CRISP2: variants seen among roughly 807,000 people sequenced by gnomAD.
The protein encoded by CRISP2 is cysteine-rich secretory protein 2.
Under a neutral mutation model 31.7 loss-of-function variants are expected in CRISP2, and 29 were observed. That is an observed-to-expected ratio of 0.92 (90% CI 0.68 to 1.25). The LOEUF (loss-of-function observed/expected upper bound fraction) is 1.25. Ranked by LOEUF, CRISP2 falls within the 50% of genes most tolerant of loss-of-function variation. CRISP2 has a pLI of 0.00. For missense variants in CRISP2, 318 were observed against 286.5 expected (o/e 1.11, Z -0.79); for synonymous variants, 111 against 101.4 (o/e 1.09, Z -0.57).
downstream of CRISP2, among the ~76,000 whole-genome samples, chr6:49,688,840 C>T (rs867962235): frequency 6.6e-6 from 1 of 151,998 alleles, no homozygotes; most frequent in Non-Finnish European, 1.5e-5. Flanking sequence ...TAGCTGTACA[C>T]CCTAGATTAT....
intron 4 of CRISP2, among the ~76,000 whole-genome samples, chr6:49,706,629 A>G (rs1317245544): frequency 6.6e-6 from 1 of 152,182 alleles, no homozygotes; most frequent in East Asian, 1.9e-4. Flanking sequence ...TTTACACAAG[A>G]ATATGATGTT....
chr6:49,698,614 G>C (rs1026796593), intron 6 of CRISP2, 107 bp from the exon 7 acceptor site: 9 of 1,137,488 alleles, frequency 7.9e-6, no homozygotes, highest in Non-Finnish European at 1.1e-5. Context: ...TCCAGCAGAT[G>C]CTAACTGTTG....
intron 4 of CRISP2, 86 bp from the exon 5 acceptor site, chr6:49,700,870 G>T: frequency 1.2e-6 from 1 of 865,086 alleles, no homozygotes; most frequent in Non-Finnish European, 1.8e-6. Flanking sequence ...GAGAACAAAG[G>T]TCACTTTAAA....
downstream of CRISP2, among the ~76,000 whole-genome samples, chr6:49,691,375 TC>T (rs552111490): frequency 2.1e-3 from 318 of 152,176 alleles, 1 homozygote; most frequent in African/African-American, 7.3e-3. Flanking sequence ...TGTCAAAAAA[TC>T]AATTTCCAAA....
chr6:49,713,586 C>A (rs952017938), upstream of CRISP2: 1 of 152,234 alleles, frequency 6.6e-6, no homozygotes, highest in African/African-American at 2.4e-5. Context: ...CCAGGCGCCA[C>A]GTGTGGGCGA....
intron 4 of CRISP2, 36 bp downstream of exon 4, chr6:49,709,095 G>A (rs368702279): frequency 4.9e-5 from 78 of 1,584,566 alleles, no homozygotes; most frequent in Non-Finnish European, 6.4e-5. Flanking sequence ...CAAAGTTGCT[G>A]GATAGCTCTG....
the CRISP2 span, among the ~76,000 whole-genome samples, chr6:49,679,613 G>A: frequency 2.0e-4 from 31 of 152,048 alleles, no homozygotes; most frequent in South Asian, 2.1e-3. Flanking sequence ...CCATGCCTTA[G>A]GTCAGTCAAT....
chr6:49,702,108 CTTATATATGTATACA>C (rs1455199757), intron 4 of CRISP2, among the ~76,000 whole-genome samples: 3 of 41,810 alleles, frequency 7.2e-5, no homozygotes, highest in Non-Finnish European at 1.2e-4. Flanking sequence ...TATATGTATA[CTTATATATGTATACA>C]TTATATATAT....
chr6:49,713,148 A>G (rs1768335500), intron 1 of CRISP2, among the ~76,000 whole-genome samples: 1 of 152,170 alleles, frequency 6.6e-6, no homozygotes, highest in African/African-American at 2.4e-5. Flanking sequence ...TCTTAATTTG[A>G]CTTCGTAAAA....
the CRISP2 span, among the ~76,000 whole-genome samples, chr6:49,677,746 A>T: frequency 1.3e-5 from 2 of 152,186 alleles, no homozygotes; most frequent in African/African-American, 2.4e-5. Flanking sequence ...CTAGCTAAAC[A>T]CACAGCAAGC....
chr6:49,696,024 T>C (rs777386181), intron 8 of CRISP2, 100 bp from the exon 9 acceptor site: 5 of 657,414 alleles, frequency 7.6e-6, no homozygotes, highest in Non-Finnish European at 1.2e-5. Flanking sequence ...TTCAGGGTTT[T>C]TAGTATGTTA....
At chr6:49,707,536 G>A (rs1234029960) in intron 4 of CRISP2, among the ~76,000 whole-genome samples, 3 of 152,188 alleles carry the variant, frequency 2.0e-5, no homozygotes, top group South Asian at 2.1e-4. Flanking sequence ...GATGTTACAG[G>A]GGATTGGAAA....
chr6:49,682,682 G>T, the CRISP2 span, among the ~76,000 whole-genome samples: 12 of 113,606 alleles, frequency 1.1e-4, no homozygotes, highest in Admixed American at 6.8e-4. Context: ...CTCTCTTTCT[G>T]TCTCTTTCTC....
At chr6:49,712,231 C>T (rs1768139722) in intron 2 of CRISP2, among the ~76,000 whole-genome samples, 1 of 152,114 alleles carries the variant, frequency 6.6e-6, no homozygotes, top group African/African-American at 2.4e-5. Flanking sequence ...TTGTATAGCT[C>T]AATCACCCAG....
intron 8 of CRISP2, among the ~76,000 whole-genome samples, chr6:49,696,660 G>T (rs1234344881): frequency 4.6e-5 from 7 of 151,518 alleles, no homozygotes; most frequent in African/African-American, 1.5e-4. Context: ...TAATAGTTTT[G>T]CAATGATTAA....
chr6:49,680,280 C>T, the CRISP2 span, among the ~76,000 whole-genome samples: 5 of 152,158 alleles, frequency 3.3e-5, no homozygotes, highest in East Asian at 3.9e-4. Context: ...TGTTAGTTTC[C>T]TAATGATAAT....
At chr6:49,702,175 ATATATATAAC>A (rs1766179444) in intron 4 of CRISP2, among the ~76,000 whole-genome samples, 2 of 108,950 alleles carry the variant, frequency 1.8e-5, no homozygotes, top group African/African-American at 7.1e-5. Context: ...ATATATATAT[ATATATATAAC>A]ATTTTCTTTA....
At chr6:49,690,771 CTA>C (rs1446902830), downstream of CRISP2, among the ~76,000 whole-genome samples, 4 of 151,914 alleles carry the variant, frequency 2.6e-5, no homozygotes, top group Non-Finnish European at 4.4e-5. Context: ...AATTAAATAA[CTA>C]TACAGTATCT....
At chr6:49,691,117 T>C (rs1036945178), downstream of CRISP2, among the ~76,000 whole-genome samples, 21 of 152,056 alleles carry the variant, frequency 1.4e-4, no homozygotes, top group Non-Finnish European at 4.4e-5. Flanking sequence ...ACTCTAATCT[T>C]AAAATTTTAA....
Sources: allele counts gnomAD v4.1 joint callset (sites outside exome capture counted in the v4.1 genomes callset), GRCh38; gene constraint gnomAD v4.1.1; transcripts MANE v1.5; gene names NCBI Gene and HGNC (gene_info 2026-07-23, HGNC 2026-07-21).